The following SEC13 variants were observed in gnomAD, a reference collection of about 807,000 sequenced individuals.
SEC13 encodes SEC13 homolog, nuclear pore and COPII component.
A neutral mutation model predicts 49.2 loss-of-function variants in SEC13; 25 were observed. The ratio of observed to expected loss-of-function variants is 0.51; its 90% CI spans 0.37 to 0.71. SEC13 has a LOEUF of 0.71. Among genes scored for constraint, SEC13 ranks in the 30% least tolerant of loss-of-function variants. The pLI is 0.00. For synonymous variants in SEC13, 148 were observed against 163.9 expected (o/e 0.90, Z 0.74); for missense variants, 383 against 417.6 (o/e 0.92, Z 0.72).
At chr3:10,302,393 T>C (rs1559489312) in intron 8 of SEC13, among the ~76,000 whole-genome samples, 1 of 152,192 alleles carries the variant, frequency 6.6e-6, no homozygotes, top group African/African-American at 2.4e-5. Context: ...GAAAACATAC[T>C]AAGTCCTTTA....
chr3:10,316,865 G>T (rs1701638016), intron 2 of SEC13, among the ~76,000 whole-genome samples: 1 of 151,976 alleles, frequency 6.6e-6, no homozygotes, highest in African/African-American at 2.4e-5. Context: ...GCTGGGAGTG[G>T]TGGCGCACGC....
rs200510084 is a variant in SEC13, at chr3:10,301,105, G to C, written c.*156C>G. On this transcript the variant is annotated 3_prime_UTR_variant, in exon 9 of 9. Transcript: ENST00000350697. ...TAGATTACAAAGCATCTCCGATCACGTTAAGGCAGATGATCAATCTGTGGC... is the reference window on the plus strand; with the variant it reads ...TAGATTACAAAGCATCTCCGATCACCTTAAGGCAGATGATCAATCTGTGGC... 53 of 1,613,258 alleles carry C rather than the reference G, an allele frequency of 3.3e-5. No homozygotes were observed. Among genetic ancestry groups the C allele is most frequent in the Non-Finnish European group, 4.3e-5 (51 of 1,179,872 alleles).
intron 8 of SEC13, 144 bp downstream of exon 8, chr3:10,303,882 A>T: frequency 1.3e-6 from 1 of 782,220 alleles, no homozygotes; most frequent in South Asian, 1.5e-5. Flanking sequence ...TTAATGATGT[A>T]ACTAAGAGGC....
intron 1 of SEC13, chr3:10,320,475 G>T (rs1291889710): frequency 3.5e-5 from 34 of 980,320 alleles, no homozygotes; most frequent in Non-Finnish European, 3.2e-5. Flanking sequence ...GGTCGTTCAG[G>T]CCATCTTTAC....
intron 5 of SEC13, among the ~76,000 whole-genome samples, chr3:10,310,104 C>T (rs562939016): frequency 2.2e-4 from 33 of 152,296 alleles, no homozygotes; most frequent in African/African-American, 7.0e-4. Flanking sequence ...TCCACTCACT[C>T]GGTGTTACAG....
rs530178226 is a variant in SEC13 at position 10,315,901 on chromosome 3, G to T, written c.49-465C>A. Among the ~76,000 whole-genome samples the T allele has an allele frequency of 7.2e-5, 11 of 152,350 alleles. No homozygotes were observed. The South Asian group carries it at 2.3e-3, about 32-fold the overall frequency. On this transcript the variant is annotated intron_variant, in intron 2 of 8. Coordinates refer to ENST00000350697, the MANE Select transcript of SEC13 (RefSeq NM_183352.3). ...GGCCTCTGACTGCCTGGAGTCCCCA[G>T]TCAGGTCTTCTGTGATGCAGCTCTG...
chr3:10,302,994 TAGAC>T (rs892048754), intron 8 of SEC13, among the ~76,000 whole-genome samples: 45 of 152,242 alleles, frequency 3.0e-4, no homozygotes, highest in South Asian at 2.1e-4. Context: ...CACATTCACA[TAGAC>T]AGAAAGGAGA....
chr3:10,301,557 AAGG>A (rs1175252114), intron 8 of SEC13, among the ~76,000 whole-genome samples, 183 bp from the exon 9 acceptor site: 8 of 152,352 alleles, frequency 5.3e-5, no homozygotes, highest in African/African-American at 1.7e-4. Context: ...CACAGAAAAA[AAGG>A]AGTAACAATA....
At chr3:10,303,873 T>A (rs555793074) in intron 8 of SEC13, 153 bp downstream of exon 8, 1 of 744,272 alleles carries the variant, frequency 1.3e-6, no homozygotes, top group South Asian at 1.5e-5. Flanking sequence ...GCTGTGACAT[T>A]AATGATGTAA....
In SEC13 at chr3:10,305,551, CTACT is replaced by C; in HGVS notation, c.584+4_584+7del. The C allele has an allele frequency of 6.2e-7, 1 of 1,613,416 alleles. No individual in the cohort carries two copies. The highest frequency in any genetic ancestry group is 8.5e-7 in the Non-Finnish European group (1 of 1,179,972). On this transcript the variant is annotated splice_donor_5th_base_variant and intron_variant, in intron 6 of 8. Coordinates refer to ENST00000350697, the MANE Select transcript of SEC13 (RefSeq NM_183352.3). The stretch of plus-strand genomic sequence containing the variant: ...CCCTCAAAGAGAAGGCCACACATCC[CTACT>C]TACTTCCACAGCTTGATGAGGTTGT...
chr3:10,316,925 C>T (rs1375382757), intron 2 of SEC13, among the ~76,000 whole-genome samples: 1 of 148,376 alleles, frequency 6.7e-6, no homozygotes, highest in East Asian at 2.0e-4. Flanking sequence ...TACTTGAACC[C>T]GGGAGGCGTA....
chr3:10,307,704 A>G (rs1362898512), intron 5 of SEC13, among the ~76,000 whole-genome samples: 1 of 152,160 alleles, frequency 6.6e-6, no homozygotes, highest in African/African-American at 2.4e-5. Flanking sequence ...ACCCCCTACA[A>G]CACATGGGCA....
intron 7 of SEC13, among the ~76,000 whole-genome samples, chr3:10,304,619 T>C (rs1700748483): frequency 1.3e-5 from 2 of 151,924 alleles, no homozygotes; most frequent in South Asian, 4.2e-4. Flanking sequence ...CCCTCTAGGG[T>C]GGTGGTGTAT....
At chr3:10,319,575 GCTGC>G (rs1177103121) in intron 1 of SEC13, among the ~76,000 whole-genome samples, 1 of 151,968 alleles carries the variant, frequency 6.6e-6, no homozygotes, top group East Asian at 1.9e-4. Context: ...ACTCCACCAG[GCTGC>G]CTGTCTAGAA....
intron 5 of SEC13, among the ~76,000 whole-genome samples, chr3:10,307,200 G>C (rs1201239201): frequency 7.4e-6 from 1 of 135,992 alleles, no homozygotes; most frequent in Non-Finnish European, 1.5e-5. Context: ...GATTATAGGT[G>C]TGAGCCACTG....
At chr3:10,315,254 C>T (rs953869225) in intron 3 of SEC13, 67 bp downstream of exon 3, 34 of 1,177,284 alleles carry the variant, frequency 2.9e-5, no homozygotes, top group East Asian at 7.1e-5. Context: ...TTTGCTCCCA[C>T]GCTTGAAGCA....
At chr3:10,309,885 G>GAT in intron 5 of SEC13, among the ~76,000 whole-genome samples, 1 of 152,350 alleles carries the variant, frequency 6.6e-6, no homozygotes, top group East Asian at 1.9e-4. Context: ...AAACGTGGGA[G>GAT]ATGGCTTTCA....
chr3:10,302,728 C>T (rs1030608435), intron 8 of SEC13, among the ~76,000 whole-genome samples: 5 of 152,210 alleles, frequency 3.3e-5, no homozygotes, highest in African/African-American at 1.2e-4. Flanking sequence ...TCAAGATCTG[C>T]ACACCCATGT....
chr3:10,304,986 C>T (rs774298675), intron 7 of SEC13, 47 bp downstream of exon 7: 1 of 1,612,618 alleles, frequency 6.2e-7, no homozygotes, highest in African/African-American at 1.3e-5. Flanking sequence ...GCTGATGGGC[C>T]TGACTCGAGA....
Sources: allele counts gnomAD v4.1 joint callset (sites outside exome capture counted in the v4.1 genomes callset), GRCh38; gene constraint gnomAD v4.1.1; transcripts MANE v1.5; gene names NCBI Gene and HGNC (gene_info 2026-07-23, HGNC 2026-07-21).